CEP192: variants seen among roughly 807,000 people sequenced by gnomAD.
CEP192 encodes centrosomal protein 192.
CEP192 carries 151 observed loss-of-function variants against 271.8 expected under a neutral mutation model. That is an observed-to-expected ratio of 0.56 (90% CI 0.49 to 0.64). The LOEUF (loss-of-function observed/expected upper bound fraction) is 0.64. CEP192 is among the 30% of genes least tolerant of loss of function. The pLI, the probability that CEP192 is intolerant of heterozygous loss-of-function variation, is 0.00. For synonymous variants in CEP192, 995 were observed against 1,076.5 expected, an observed-to-expected ratio of 0.92 and a Z score of 1.48; for missense variants, 2,910 against 3,020.5, an observed-to-expected ratio of 0.96 and a Z score of 0.86.
chr18:13,015,843 T>C (rs12327252), intron 6 of CEP192, among the ~76,000 whole-genome samples: 2,151 of 152,018 alleles, frequency 0.014, 58 homozygotes, highest in African/African-American at 0.049. Context: ...CCTCCTGGGT[T>C]CAAGTGATTC....
Position 13,124,655 on chromosome 18 carries a change from C to A in CEP192, c.7499C>A (p.Pro2500His), listed in dbSNP as rs1443072523. The A allele has an allele frequency of 1.2e-6, 2 of 1,613,670 alleles. No individual in the cohort carries two copies. Among genetic ancestry groups the A allele is most frequent in the Non-Finnish European group, 8.5e-7 (1 of 1,179,810 alleles). ...AGAGCCCAGCATTACATCAACATGC[C>A]CGTGCAGTTCAAACCGAAGTCCGCA... is the stretch of plus-strand genomic sequence containing the variant. ...SLRAQHYINM[P>H]VQFKPKSAGK... Residue 2500 changes from proline (P) to histidine (H), a missense_variant, in exon 45 of 45, where the codon CCC becomes CAC. Physicochemically the swap from Pro to His is moderately conservative, Grantham distance 77. Coordinates refer to ENST00000506447, the MANE Select transcript of CEP192 (RefSeq NM_032142.4).
At chr18:13,039,657 G>A (rs1417419030) in intron 13 of CEP192, among the ~76,000 whole-genome samples, 2 of 152,074 alleles carry the variant, frequency 1.3e-5, no homozygotes, top group African/African-American at 2.4e-5. Context: ...GATTCCAGGG[G>A]CCAAATCATG....
intron 44 of CEP192, among the ~76,000 whole-genome samples, chr18:13,123,354 C>T (rs1045220344): frequency 6.6e-6 from 1 of 152,104 alleles, no homozygotes; most frequent in Non-Finnish European, 1.5e-5. Context: ...GATACACATA[C>T]ACACCTTTGC....
chr18:13,015,769 G>A (rs912048352), intron 6 of CEP192, among the ~76,000 whole-genome samples: 45 of 147,210 alleles, frequency 3.1e-4, no homozygotes, highest in Non-Finnish European at 6.4e-4. Flanking sequence ...TTTTTGAGAT[G>A]GAATCTCGCT....
chr18:13,087,130 A>C lies in CEP192; in HGVS notation c.5730A>C (p.Lys1910Asn), dbSNP rs747106836. 6.2e-7 allele frequency: 1 copy of C among 1,614,108 alleles called. No homozygotes were observed. Among genetic ancestry groups the C allele is most frequent in the East Asian group, 2.2e-5 (1 of 44,864 alleles). ...VNGLVPGKESKIVFSVRNTGS... is the reference protein window; with the variant it reads ...VNGLVPGKESNIVFSVRNTGS... ...GCTTAGTACCTGGCAAAGAAAGTAA[A>C]ATTGTTTTTTCTGTCCGCAACACTG... The change falls in exon 31 of 45, where the codon AAA (lysine) becomes AAC (asparagine). Residue 1910 changes from lysine to asparagine, a missense_variant. By Grantham distance (94) the Lys-to-Asn change is moderately conservative (BLOSUM62 0). Coordinates refer to ENST00000506447, the MANE Select transcript of CEP192 (RefSeq NM_032142.4).
rs773521476 is a variant in CEP192, at chr18:13,056,417, C to A, written c.3827C>A (p.Thr1276Asn). 11 of 1,614,148 alleles carry A rather than the reference C, an allele frequency of 6.8e-6. No individual in the cohort carries two copies. Among genetic ancestry groups the A allele is most frequent in the Admixed American group, 1.7e-5 (1 of 60,012 alleles). The change falls in exon 19 of 45, where the codon ACC becomes AAC. Residue 1276 changes from threonine (T) to asparagine (N), a missense_variant. By Grantham distance (65) the Thr-to-Asn change is moderately conservative. Coordinates refer to ENST00000506447, the MANE Select transcript of CEP192 (RefSeq NM_032142.4). ...ACACTCCCTTCAACTGGAAGCACCA[C>A]CTTGCCTCAGTGCCATGCTGGCAAT... ...LGTLPSTGST[T>N]LPQCHAGNAT...
In CEP192 at chr18:13,115,814, G is replaced by T. The variant is rs145403853; in HGVS notation, c.7290-563G>T. On this transcript the variant is annotated intron_variant, in intron 42 of 44. Coordinates refer to ENST00000506447, the MANE Select transcript of CEP192 (RefSeq NM_032142.4). The stretch of plus-strand genomic sequence containing the variant: ...TTGAGCTATCCTGAGGGACCATTGT[G>T]TAGTGACTGAATAGATAGGGCTGCT... Among the ~76,000 whole-genome samples, 386 of 152,278 alleles carry T rather than the reference G, an allele frequency of 2.5e-3. 9 individuals are homozygous for T. Among genetic ancestry groups the T allele is most frequent in the East Asian group, 9.6e-3 (50 of 5,188 alleles).
chr18:13,025,610 G>C (rs945129232), intron 9 of CEP192, among the ~76,000 whole-genome samples: 3 of 152,050 alleles, frequency 2.0e-5, no homozygotes, highest in Non-Finnish European at 2.9e-5. Flanking sequence ...TTTTTTAGTG[G>C]TTGCTCTAGA....
intron 4 of CEP192, among the ~76,000 whole-genome samples, chr18:13,009,012 TTG>T (rs1491302443): frequency 0.1 from 11,999 of 116,326 alleles, 899 homozygotes; most frequent in African/African-American, 0.25. Flanking sequence ...CCTGGCCTTT[TTG>T]TTTTTTTTTT....
intron 6 of CEP192, 92 bp downstream of exon 6, chr18:13,015,540 G>T (rs930767279): frequency 5.9e-6 from 8 of 1,353,732 alleles, no homozygotes; most frequent in African/African-American, 1.5e-5. Flanking sequence ...CAACTTTTTG[G>T]GTTTTTTGTC....
chr18:13,000,891 T>G (rs962984795), intron 2 of CEP192, among the ~76,000 whole-genome samples: 2 of 152,222 alleles, frequency 1.3e-5, no homozygotes, highest in East Asian at 3.8e-4. Context: ...AGGCAGAGAT[T>G]GCAGTGACCT....
At chr18:13,093,914 C>T (rs1305012366) in intron 34 of CEP192, among the ~76,000 whole-genome samples, 1 of 152,184 alleles carries the variant, frequency 6.6e-6, no homozygotes, top group Non-Finnish European at 1.5e-5. Flanking sequence ...TTCACCAAAT[C>T]ACCTTTCTTT....
chr18:13,101,498 C>T (rs987888986), intron 38 of CEP192, among the ~76,000 whole-genome samples: 4 of 152,120 alleles, frequency 2.6e-5, no homozygotes, highest in African/African-American at 9.7e-5. Context: ...TCACATTCCT[C>T]GAGAGTCCTG....
chr18:13,118,775 G>C (rs2040541809), intron 44 of CEP192, among the ~76,000 whole-genome samples: 1 of 151,992 alleles, frequency 6.6e-6, no homozygotes, highest in Admixed American at 6.6e-5. Context: ...ATAATGCCCA[G>C]ACATAGCAAG....
At chr18:13,038,888 A>C (rs1340805911) in intron 13 of CEP192, among the ~76,000 whole-genome samples, 4 of 152,236 alleles carry the variant, frequency 2.6e-5, no homozygotes, top group African/African-American at 9.6e-5. Context: ...ACCAACATGT[A>C]ATAAGTATTT....
intron 14 of CEP192, 149 bp from the exon 15 acceptor site, chr18:13,042,055 G>T (rs556336604): frequency 5.3e-5 from 31 of 586,422 alleles, no homozygotes; most frequent in Non-Finnish European, 1.5e-5. Flanking sequence ...GTGACTATAC[G>T]TTTAAACCAT....
intron 1 of CEP192, among the ~76,000 whole-genome samples, chr18:12,992,217 T>G (rs2032906417): frequency 6.6e-6 from 1 of 152,206 alleles, no homozygotes. Context: ...TGCTCCAAAA[T>G]CAACTTTTTC....
chr18:13,086,794 C>T (rs1260312584), intron 30 of CEP192, among the ~76,000 whole-genome samples: 1 of 152,188 alleles, frequency 6.6e-6, no homozygotes, highest in African/African-American at 2.4e-5. Context: ...AATTCTTAGC[C>T]TATCAGAAGC....
At chr18:13,013,261 A>G (rs1259439939) in intron 5 of CEP192, among the ~76,000 whole-genome samples, 5 of 152,108 alleles carry the variant, frequency 3.3e-5, no homozygotes, top group Admixed American at 6.5e-5. Flanking sequence ...AGCTGAGTCC[A>G]TCTGTTTGCT....
Sources: allele counts gnomAD v4.1 joint callset (sites outside exome capture counted in the v4.1 genomes callset), GRCh38; gene constraint gnomAD v4.1.1; transcripts MANE v1.5; gene names NCBI Gene and HGNC (gene_info 2026-07-23, HGNC 2026-07-21).